STAG1: variants seen among roughly 807,000 people sequenced by gnomAD.
STAG1 encodes the protein cohesin subunit SA-1.
A neutral mutation model predicts 170.9 loss-of-function variants in STAG1; 26 were observed. The ratio of observed to expected loss-of-function variants is 0.15; its 90% CI spans 0.11 to 0.21. The LOEUF is 0.21. STAG1 is among the 10% of genes least tolerant of loss of function. STAG1 has a pLI of 1.00. For missense variants in STAG1, 964 were observed against 1,509.5 expected, an observed-to-expected ratio of 0.64 and a Z score of 5.99; for synonymous variants, 514 against 497.7, an observed-to-expected ratio of 1.03 and a Z score of -0.44.
intron 1 of STAG1, among the ~76,000 whole-genome samples, chr3:136,696,353 C>T (rs976301719): frequency 1.3e-5 from 2 of 152,076 alleles, no homozygotes; most frequent in South Asian, 4.2e-4. Context: ...CCCTTGACTC[C>T]AGTTTAGCTA....
intron 12 of STAG1, among the ~76,000 whole-genome samples, chr3:136,467,290 C>A (rs1402309643): frequency 6.6e-6 from 1 of 151,912 alleles, no homozygotes; most frequent in East Asian, 1.9e-4. Context: ...CACACATAGG[C>A]GCAAAATAAA....
At chr3:136,427,841 A>G (rs183598618) in intron 16 of STAG1, among the ~76,000 whole-genome samples, 27 of 152,326 alleles carry the variant, frequency 1.8e-4, no homozygotes, top group Admixed American at 4.6e-4. Flanking sequence ...AAGTCATATA[A>G]TAACAACTTA....
intron 20 of STAG1, 149 bp downstream of exon 20, chr3:136,420,944 C>A: frequency 2.1e-6 from 1 of 469,934 alleles, no homozygotes; most frequent in Non-Finnish European, 3.8e-6. Context: ...CTCTCATGCC[C>A]AATTTTTGTA....
At chr3:136,751,172 G>GTTTTT (rs776717703) in intron 1 of STAG1, among the ~76,000 whole-genome samples, 10 of 136,142 alleles carry the variant, frequency 7.3e-5, no homozygotes, top group Non-Finnish European at 1.1e-4. Context: ...GACAAATTGC[G>GTTTTT]TTTTTTTTTT....
intron 2 of STAG1, among the ~76,000 whole-genome samples, chr3:136,625,240 C>CTA (rs1261005859): frequency 1.3e-5 from 2 of 152,212 alleles, no homozygotes; most frequent in Non-Finnish European, 1.5e-5. Flanking sequence ...ACCAAATGCT[C>CTA]TTTTAGGCTC....
At chr3:136,670,402 C>G (rs6800969) in intron 1 of STAG1, among the ~76,000 whole-genome samples, 53,136 of 152,100 alleles carry the variant, frequency 0.35, 10,419 homozygotes, top group African/African-American at 0.52. Context: ...TAATTTACCA[C>G]AAAGAAAGTA....
intron 16 of STAG1, among the ~76,000 whole-genome samples, chr3:136,430,781 TAA>T (rs1202975843): frequency 7.7e-6 from 1 of 130,578 alleles, no homozygotes; most frequent in Non-Finnish European, 1.6e-5. Flanking sequence ...TCAAGGAAAT[TAA>T]GAGAAGGAAA....
intron 7 of STAG1, among the ~76,000 whole-genome samples, chr3:136,510,192 C>A (rs1452781345): frequency 1.3e-5 from 2 of 152,208 alleles, no homozygotes; most frequent in Non-Finnish European, 2.9e-5. Context: ...ATTGTAATCC[C>A]CATAATCCCC....
chr3:136,441,977 C>A (rs1225721373), intron 15 of STAG1, among the ~76,000 whole-genome samples: 1 of 152,134 alleles, frequency 6.6e-6, no homozygotes, highest in Non-Finnish European at 1.5e-5. Context: ...GCGGGAGGAT[C>A]ACCTGAGCTC....
chr3:136,564,934 C>T (rs1271838158), intron 5 of STAG1, among the ~76,000 whole-genome samples: 2 of 143,682 alleles, frequency 1.4e-5, no homozygotes, highest in African/African-American at 5.2e-5. Context: ...TTGAATTTGG[C>T]AATGGATCCT....
At chr3:136,370,056 CTATACTATACTAT>C (rs1560064392) in intron 23 of STAG1, among the ~76,000 whole-genome samples, 10 of 2,288 alleles carry the variant, frequency 4.4e-3, no homozygotes, top group Non-Finnish European at 8.7e-3. Flanking sequence ...ATTTACTATA[CTATACTATACTAT>C]ACTATACTAT....
At chr3:136,708,114 TACC>T (rs1166967421) in intron 1 of STAG1, among the ~76,000 whole-genome samples, 7 of 152,088 alleles carry the variant, frequency 4.6e-5, no homozygotes, top group Non-Finnish European at 1.0e-4. Context: ...TAAACAGAAT[TACC>T]ACATGATCCA....
intron 22 of STAG1, among the ~76,000 whole-genome samples, chr3:136,384,644 C>G (rs1355107834): frequency 6.6e-6 from 1 of 151,828 alleles, no homozygotes; most frequent in Non-Finnish European, 1.5e-5. Flanking sequence ...ATGGCATACG[C>G]CTTTAGTCCC....
intron 4 of STAG1, among the ~76,000 whole-genome samples, chr3:136,577,654 C>T (rs1202937408): frequency 6.6e-6 from 1 of 152,098 alleles, no homozygotes; most frequent in Non-Finnish European, 1.5e-5. Flanking sequence ...CAAAACCAGC[C>T]CCTGATGCCA....
At chr3:136,398,626 A>G (rs1051411146) in intron 22 of STAG1, 123 bp downstream of exon 22, 3 of 405,152 alleles carry the variant, frequency 7.4e-6, no homozygotes, top group Non-Finnish European at 1.1e-5. Flanking sequence ...TAATAGTCAT[A>G]TATTTTATTA....
intron 1 of STAG1, among the ~76,000 whole-genome samples, chr3:136,644,581 G>A (rs1940928816): frequency 6.6e-6 from 1 of 152,172 alleles, no homozygotes; most frequent in Admixed American, 6.5e-5. Flanking sequence ...TATGATTATT[G>A]ATGTAGGTTA....
Position 136,341,431 on chromosome 3 carries a change from T to C in STAG1, c.3557+10A>G, listed in dbSNP as rs754149227. 14 of 1,556,140 alleles carry C rather than the reference T, an allele frequency of 9.0e-6. No homozygotes were observed. The East Asian group carries it at 3.1e-4, about 35-fold the overall frequency. ...TGTTATGTTCTTGTGATACTCCATG[T>C]AACACTTACACAGCATGCCTCACTC... On this transcript the variant is annotated intron_variant, in intron 31 of 33. Coordinates refer to ENST00000383202, the MANE Select transcript of STAG1 (RefSeq NM_005862.3).
chr3:136,538,621 A>G (rs56040643), intron 6 of STAG1, among the ~76,000 whole-genome samples: 57,041 of 151,740 alleles, frequency 0.38, 11,878 homozygotes, highest in African/African-American at 0.56. Flanking sequence ...GTTTCAGCAT[A>G]TTGGCCTGGC....
rs183323373 is a variant in STAG1, at chr3:136,566,261, G to A, written c.394+2504C>T. 2.0e-5 allele frequency among the ~76,000 whole-genome samples: 3 copies of A among 152,248 alleles called. No homozygotes were observed. The East Asian group carries it at 5.8e-4, about 29-fold the overall frequency. Reference sequence around the variant, plus strand: ...GAATGAGATTAGTGCCGTTATAAAGGGGACTCCAGAAAACGCTCTCAACCC... The same window carrying A: ...GAATGAGATTAGTGCCGTTATAAAGAGGACTCCAGAAAACGCTCTCAACCC... On this transcript the variant is annotated intron_variant, in intron 5 of 33. Transcript: ENST00000383202.
Sources: allele counts gnomAD v4.1 joint callset (sites outside exome capture counted in the v4.1 genomes callset), GRCh38; gene constraint gnomAD v4.1.1; transcripts MANE v1.5; gene names NCBI Gene and HGNC (gene_info 2026-07-23, HGNC 2026-07-21).